The following IL1RAPL1 variants were observed in gnomAD, a reference collection of about 807,000 sequenced individuals.
IL1RAPL1 encodes the protein interleukin 1 receptor accessory protein like 1.
In IL1RAPL1, 3 loss-of-function variants were observed where a neutral mutation model predicts 48.4. The ratio of observed to expected loss-of-function variants is 0.06; its 90% CI spans 0.03 to 0.16. IL1RAPL1 has a LOEUF of 0.16. Among genes scored for constraint, IL1RAPL1 ranks in the 10% least tolerant of loss-of-function variants. The pLI, the probability that IL1RAPL1 is intolerant of heterozygous loss-of-function variation, is 1.00. For missense variants in IL1RAPL1, 349 were observed against 530.6 expected (o/e 0.66, Z 3.36); for synonymous variants, 185 against 187.7 (o/e 0.99, Z 0.12).
chrX:29,217,425 T>A (rs751414037), intron 2 of IL1RAPL1, among the ~76,000 whole-genome samples: 1 of 112,508 alleles, frequency 8.9e-6, no homozygotes, highest in East Asian at 2.8e-4. Flanking sequence ...AGCAGAAGAA[T>A]CATGGTCTTT....
At chrX:29,724,359 C>T (rs1389165301) in intron 6 of IL1RAPL1, among the ~76,000 whole-genome samples, 1 of 111,706 alleles carries the variant, frequency 9.0e-6, no homozygotes, top group Non-Finnish European at 1.9e-5. Context: ...AGCTATTCTT[C>T]TAGCACTCTA....
At chrX:29,937,700 G>C (rs991506995) in intron 8 of IL1RAPL1, among the ~76,000 whole-genome samples, 3 of 111,550 alleles carry the variant, frequency 2.7e-5, no homozygotes, top group Non-Finnish European at 5.6e-5. Context: ...GGCAGGCACT[G>C]TGCACCATGG....
chrX:28,823,648 A>G (rs769963995), intron 2 of IL1RAPL1, among the ~76,000 whole-genome samples: 1 of 111,764 alleles, frequency 8.9e-6, no homozygotes, highest in East Asian at 2.8e-4. Flanking sequence ...ACAACTGTGT[A>G]CTTTTGGAAG....
chrX:28,801,543 C>T (rs1389577640), intron 2 of IL1RAPL1, among the ~76,000 whole-genome samples: 1 of 111,655 alleles, frequency 9.0e-6, no homozygotes, highest in Admixed American at 9.5e-5. Context: ...CAGGAAAGGT[C>T]TACAGACAGC....
chrX:29,758,224 T>A (rs187128907), intron 6 of IL1RAPL1, among the ~76,000 whole-genome samples: 1,313 of 112,046 alleles, frequency 0.012, 11 homozygotes, highest in Middle Eastern at 0.061. Flanking sequence ...TCCAAATTAA[T>A]TAAACTTGTT....
chrX:28,949,918 T>A lies in IL1RAPL1; in HGVS notation c.82+160493T>A, dbSNP rs755366389. The stretch of plus-strand genomic sequence containing the variant: ...CGTTCACTCTGATGGTAGTTTCTTT[T>A]GCTGTGCAGAAGCTCTTTAGTTTAA... On this transcript the variant is annotated intron_variant, in intron 2 of 10. Transcript: ENST00000378993. Among the ~76,000 whole-genome samples the A allele has an allele frequency of 4.5e-5, 5 of 110,547 alleles. No individual in the cohort carries two copies. The East Asian group carries it at 1.4e-3, about 32-fold the overall frequency.
intron 1 of IL1RAPL1, among the ~76,000 whole-genome samples, chrX:28,782,973 T>C (rs1936439074): frequency 9.0e-6 from 1 of 111,583 alleles, no homozygotes; most frequent in Non-Finnish European, 1.9e-5. Context: ...CTCTTTGTAA[T>C]ACAAAACCGG....
intron 5 of IL1RAPL1, among the ~76,000 whole-genome samples, chrX:29,445,017 C>T (rs768046660): frequency 1.8e-5 from 2 of 112,507 alleles, no homozygotes; most frequent in South Asian, 7.3e-4. Context: ...CCTTTCTTCA[C>T]GTTAGCCCTG....
chrX:29,290,694 G>A (rs969922023), intron 3 of IL1RAPL1, among the ~76,000 whole-genome samples: 2 of 111,783 alleles, frequency 1.8e-5, no homozygotes, highest in Non-Finnish European at 3.8e-5. Context: ...CTTGCCTGTG[G>A]TCACCTGTGG....
intron 5 of IL1RAPL1, among the ~76,000 whole-genome samples, chrX:29,590,476 T>C (rs1923333876): frequency 8.9e-6 from 1 of 112,026 alleles, no homozygotes; most frequent in Non-Finnish European, 1.9e-5. Flanking sequence ...TCCCGAGTGA[T>C]TCCTTGCACA....
chrX:29,212,614 C>A (rs1569261110), intron 2 of IL1RAPL1, among the ~76,000 whole-genome samples: 1 of 111,799 alleles, frequency 8.9e-6, no homozygotes, highest in African/African-American at 3.3e-5. Flanking sequence ...CAGCCTGAGT[C>A]CCCCAGAATT....
At chrX:28,880,278 T>C (rs1045507533) in intron 2 of IL1RAPL1, among the ~76,000 whole-genome samples, 6 of 112,117 alleles carry the variant, frequency 5.4e-5, no homozygotes, top group Non-Finnish European at 9.4e-5. Flanking sequence ...CCATAGAGTT[T>C]AGAATTGCAA....
At chrX:28,832,431 C>T (rs1158806837) in intron 2 of IL1RAPL1, among the ~76,000 whole-genome samples, 1 of 111,261 alleles carries the variant, frequency 9.0e-6, no homozygotes, top group African/African-American at 3.3e-5. Context: ...TACAGTCCCC[C>T]AAATTCTCTT....
intron 1 of IL1RAPL1, among the ~76,000 whole-genome samples, chrX:28,713,123 G>A (rs911499230): frequency 1.8e-5 from 2 of 109,947 alleles, no homozygotes; most frequent in African/African-American, 6.6e-5. Flanking sequence ...GCCTGATCTC[G>A]GCTCACTGCA....
intron 5 of IL1RAPL1, among the ~76,000 whole-genome samples, chrX:29,481,853 G>A (rs1016263314): frequency 6.3e-5 from 7 of 111,595 alleles, no homozygotes; most frequent in Non-Finnish European, 1.3e-4. Context: ...TGTAATTGAG[G>A]TTTTTGCCAT....
intron 2 of IL1RAPL1, among the ~76,000 whole-genome samples, chrX:29,233,870 G>C (rs775486431): frequency 8.9e-6 from 1 of 112,605 alleles, no homozygotes; most frequent in South Asian, 3.7e-4. Flanking sequence ...CTCCTGCTAG[G>C]AATGAAGTAC....
chrX:29,259,661 T>C (rs780412063), intron 2 of IL1RAPL1, among the ~76,000 whole-genome samples: 55 of 111,051 alleles, frequency 5.0e-4, no homozygotes, highest in African/African-American at 1.8e-3. Flanking sequence ...GTATTACTAC[T>C]AGAAATTCTC....
intron 1 of IL1RAPL1, among the ~76,000 whole-genome samples, chrX:28,759,000 G>T (rs2147249798): frequency 8.9e-6 from 1 of 112,234 alleles, no homozygotes; most frequent in Non-Finnish European, 1.9e-5. Context: ...ACTTTGGGAG[G>T]CCGAGGAGGG....
Position 28,717,139 on chromosome X carries a change from A to G in IL1RAPL1, c.-24-72181A>G, listed in dbSNP as rs1935513122. Among the ~76,000 whole-genome samples the G allele has an allele frequency of 3.6e-5, 4 of 112,133 alleles. No homozygotes were observed. The South Asian group carries it at 1.5e-3, about 42-fold the overall frequency. On this transcript the variant is annotated intron_variant, in intron 1 of 10. Coordinates refer to ENST00000378993, the MANE Select transcript of IL1RAPL1 (RefSeq NM_014271.4). ...AAATACCATTCAATCCAGCAATCCC[A>G]TTACTGGGTATATACCCAAAGGAAT...
Sources: gnomAD v4.1 joint callset for allele counts (sites outside exome capture counted in the v4.1 genomes callset) on GRCh38, gnomAD v4.1.1 for gene constraint, MANE v1.5 for transcripts, NCBI Gene and HGNC (gene_info 2026-07-23, HGNC 2026-07-21) for gene names.